ZNF506: variants seen among roughly 807,000 people sequenced by gnomAD.
The protein encoded by ZNF506 is zinc finger protein 506.
Under a neutral mutation model 11.6 loss-of-function variants are expected in ZNF506, and 10 were observed. That is an observed-to-expected ratio of 0.86 (90% CI 0.53 to 1.46). The LOEUF (loss-of-function observed/expected upper bound fraction) is 1.46, where lower values mean the gene tolerates loss of function less well. ZNF506 is among the 40% of genes most tolerant of loss of function. ZNF506 has a pLI of 0.00. For missense variants in ZNF506, 425 were observed against 521.2 expected, an observed-to-expected ratio of 0.82 and a Z score of 1.80; for synonymous variants, 156 against 173.3, an observed-to-expected ratio of 0.90 and a Z score of 0.78.
At position 19,807,065 on chromosome 19, in the gene ZNF506, G is replaced by C; in HGVS notation, c.7C>G (p.Pro3Ala). 6.2e-7 allele frequency: 1 copy of C among 1,613,208 alleles called. No individual in the cohort carries two copies. The highest frequency in any genetic ancestry group is 8.5e-7 in the Non-Finnish European group (1 of 1,179,688). MG[P>A]LQFRDVAIEF... ...ATGGCCACATCTCTAAATTGCAATG[G>C]TCCCTGAAAAAAACACACACACTTA... The change falls in exon 2 of 4, where the codon CCA (proline) becomes GCA (alanine). Residue 3 changes from proline to alanine, a missense_variant. Physicochemically the swap from Pro to Ala is conservative, Grantham distance 27 (BLOSUM62 -1). Coordinates refer to ENST00000540806, the MANE Select transcript of ZNF506 (RefSeq NM_001099269.3).
chr19:19,794,642 A>G lies in ZNF506; in HGVS notation c.1245T>C (p.His415=). The change falls in exon 4 of 4, where the codon CAT becomes CAC. Residue 415 remains histidine (H), a synonymous_variant. Transcript: ENST00000540806. ...AFNWSSALNK[H]KKIHIRQKPC... The stretch of plus-strand genomic sequence containing the variant: ...GTTTCTGTCTAATATGAATTTTCTT[A>G]TGTTTATTAAGGGCTGAGGACCAGT... The G allele has an allele frequency of 1.2e-6, 2 of 1,613,424 alleles. No individual in the cohort carries two copies. Among genetic ancestry groups the G allele is most frequent in the Non-Finnish European group, 1.7e-6 (2 of 1,179,820 alleles).
At chr19:19,812,002 T>A (rs780492700) in intron 1 of ZNF506, among the ~76,000 whole-genome samples, 38 of 151,938 alleles carry the variant, frequency 2.5e-4, no homozygotes, top group Non-Finnish European at 4.9e-4. Flanking sequence ...GACTGCTTCA[T>A]GTTTTTTTTT....
intron 1 of ZNF506, among the ~76,000 whole-genome samples, chr19:19,817,241 CTCTGA>C (rs1047310650): frequency 1.3e-5 from 2 of 152,130 alleles, no homozygotes; most frequent in Non-Finnish European, 2.9e-5. Context: ...GTAAAACATT[CTCTGA>C]TCTAAGATCT....
At position 19,794,555 on chromosome 19, in the gene ZNF506, T is replaced by C. The variant is rs370516477; in HGVS notation, c.1332A>G (p.Arg444=). Residue 444 remains arginine (R), a synonymous_variant, in exon 4 of 4, where the codon AGA becomes AGG. Coordinates refer to ENST00000540806, the MANE Select transcript of ZNF506 (RefSeq NM_001099269.3). The part of the protein sequence containing the change: ...LNVPQPLISI[R] ...TACGGTTTCTCTCCAGTATGAATTA[T>C]CTTATGCTTATTAAGGGTTGAGGAA... The C allele has an allele frequency of 1.7e-5, 27 of 1,588,854 alleles. No homozygotes were observed. The Middle Eastern group carries it at 8.5e-4, about 50-fold the overall frequency.
chr19:19,818,877 A>G (rs2062951297), intron 1 of ZNF506, among the ~76,000 whole-genome samples: 1 of 151,978 alleles, frequency 6.6e-6, no homozygotes, highest in South Asian at 2.1e-4. Flanking sequence ...AGTCCTAGCT[A>G]TTGGGGAGGC....
At chr19:19,815,372 T>C (rs1029853382) in intron 1 of ZNF506, among the ~76,000 whole-genome samples, 1 of 152,168 alleles carries the variant, frequency 6.6e-6, no homozygotes, top group Non-Finnish European at 1.5e-5. Context: ...TGTGTGTTCG[T>C]GAGTGGGTGG....
chr19:19,798,809 CAGT>C (rs2145176420), intron 3 of ZNF506: 1 of 151,598 alleles, frequency 6.6e-6, no homozygotes, highest in East Asian at 1.9e-4. Context: ...ATTTTATTAA[CAGT>C]AAGTTTTTCT....
intron 1 of ZNF506, among the ~76,000 whole-genome samples, chr19:19,816,329 G>A (rs2062931108): frequency 6.6e-6 from 1 of 151,236 alleles, no homozygotes; most frequent in Admixed American, 6.6e-5. Flanking sequence ...GATTACAGGT[G>A]CCCACCACCA....
rs2062713071 is a variant in ZNF506 at position 19,793,683 on chromosome 19, T to C, written c.*869A>G. The stretch of plus-strand genomic sequence containing the variant: ...TAACTATGAACCTTCTGTTGAGATG[T>C]GAGTGGGCGTTAATGGCGTTTCCAT... On this transcript the variant is annotated 3_prime_UTR_variant, in exon 4 of 4. Transcript: ENST00000540806. Among the ~76,000 whole-genome samples the C allele has an allele frequency of 1.3e-5, 2 of 152,340 alleles. No homozygotes were observed. Among genetic ancestry groups the C allele is most frequent in the South Asian group, 4.1e-4 (2 of 4,830 alleles).
At position 19,795,063 on chromosome 19, in the gene ZNF506, T is replaced by C; in HGVS notation, c.824A>G (p.His275Arg). The change falls in exon 4 of 4, where the codon CAT becomes CGT. Residue 275 changes from histidine (H) to arginine (R), a missense_variant. Coordinates refer to ENST00000540806, the MANE Select transcript of ZNF506 (RefSeq NM_001099269.3). ...AFNHPATLFS[H>R]KKIHTGEKPY... Reference sequence around the variant, plus strand: ...TTTCTCTCCAGTATGAATTTTCTTATGTGAAAAAAGGGTTGCAGGGTGGTT... The same window carrying C: ...TTTCTCTCCAGTATGAATTTTCTTACGTGAAAAAAGGGTTGCAGGGTGGTT... The C allele has an allele frequency of 6.2e-7, 1 of 1,613,940 alleles. No homozygotes were observed. Among genetic ancestry groups the C allele is most frequent in the Non-Finnish European group, 8.5e-7 (1 of 1,179,958 alleles).
At chr19:19,806,914 A>G (rs1233232699) in intron 2 of ZNF506, 28 bp downstream of exon 2, 2 of 1,602,868 alleles carry the variant, frequency 1.2e-6, no homozygotes, top group Non-Finnish European at 1.7e-6. Flanking sequence ...GAGTAATATT[A>G]TGAATTATGT....
rs151121260 is a variant in ZNF506, at chr19:19,802,295, A to C, written c.226+3736T>G. Among the ~76,000 whole-genome samples the C allele has an allele frequency of 4.3e-3, 656 of 152,244 alleles. 8 individuals carry two copies. The highest frequency in any genetic ancestry group is 0.015 in the African/African-American group (620 of 41,552). On this transcript the variant is annotated intron_variant, in intron 3 of 3. Coordinates refer to ENST00000540806, the MANE Select transcript of ZNF506 (RefSeq NM_001099269.3). ...AATGCAGGTATTTTGAATCACTGGC[A>C]TGCACTGTGTGGCAGTAAAATTTCA...
intron 1 of ZNF506, among the ~76,000 whole-genome samples, chr19:19,813,928 A>G (rs2062905667): frequency 6.6e-6 from 1 of 152,136 alleles, no homozygotes. Flanking sequence ...AAGTAATCCA[A>G]TATCATGCCA....
intron 1 of ZNF506, chr19:19,820,322 G>C (rs1813374713): frequency 6.6e-6 from 1 of 152,136 alleles, no homozygotes; most frequent in South Asian, 2.1e-4. Context: ...ACAAAATTCA[G>C]GCTTAAGCAA....
chr19:19,799,584 T>C (rs977221525), intron 3 of ZNF506: 7 of 487,402 alleles, frequency 1.4e-5, no homozygotes, highest in African/African-American at 4.0e-5. Flanking sequence ...TATATAGAAA[T>C]GATACAATAC....
chr19:19,807,101 G>A (rs777821108), intron 1 of ZNF506, 33 bp from the exon 2 acceptor site: 1 of 1,610,068 alleles, frequency 6.2e-7, no homozygotes, highest in Non-Finnish European at 8.5e-7. Context: ...TTTTTACCAA[G>A]TGGCCATGGG....
rs773205120 is a variant in ZNF506 at position 19,795,642 on chromosome 19, G to A, written c.245C>T (p.Ala82Val). ...AKPPVMYSHF[A>V]QDLWSEQSIK... ...GCTCTGCTCTGACCAAAGGTCTTGG[G>A]CAAAATGAGAATACATAACTGAAAG... The change falls in exon 4 of 4, where the codon GCC becomes GTC. Residue 82 changes from alanine (A) to valine (V), a missense_variant. By Grantham distance (64) the Ala-to-Val change is moderately conservative. This residue lies in a region of ZNF506 where 226 missense variants were observed against 279.1 expected (regional missense o/e 0.81). Transcript: ENST00000540806. 6.7e-7 allele frequency: 1 copy of A among 1,502,692 alleles called. No homozygotes were observed. 93.1% of individuals were successfully genotyped at this position (1,502,692 alleles called of 1,614,324 possible). A position where few individuals can be genotyped will look rare whatever the true frequency, so the allele number is the denominator to read the frequency against.
chr19:19,821,292 C>A (rs550579572), intron 1 of ZNF506, among the ~76,000 whole-genome samples: 1 of 152,200 alleles, frequency 6.6e-6, no homozygotes, highest in Non-Finnish European at 1.5e-5. Flanking sequence ...CAGGATTCTC[C>A]CCTGACGACC....
chr19:19,808,583 C>T (rs951711166), intron 1 of ZNF506, among the ~76,000 whole-genome samples: 1 of 147,734 alleles, frequency 6.8e-6, no homozygotes. Context: ...CAGTGACTCA[C>T]GCCTGTAATC....
Sources: gnomAD v4.1 joint callset for allele counts (sites outside exome capture counted in the v4.1 genomes callset) on GRCh38, gnomAD v4.1.1 for gene constraint, gnomAD v4.1.1 regional missense constraint, MANE v1.5 for transcripts, NCBI Gene and HGNC (gene_info 2026-07-23, HGNC 2026-07-21) for gene names.